Variants in WDR49 observed in about 807,000 individuals in gnomAD.
WDR49 encodes the protein WD repeat domain 49.
Under a neutral mutation model 119.5 loss-of-function variants are expected in WDR49, and 107 were observed. The ratio of observed to expected loss-of-function variants is 0.90; its 90% CI spans 0.77 to 1.05. The LOEUF is 1.05. WDR49 is among the 50% of genes least tolerant of loss of function. The probability of loss-of-function intolerance (pLI) is 0.00; values close to 1 mark genes in which losing one functional copy is unlikely to be tolerated. For missense variants in WDR49, 1,240 were observed against 1,220.5 expected (o/e 1.02, Z -0.24); for synonymous variants, 425 against 418.8 (o/e 1.01, Z -0.18).
chr3:167,619,961 AT>A (rs1267241015), intron 5 of WDR49, among the ~76,000 whole-genome samples: 2 of 151,780 alleles, frequency 1.3e-5, no homozygotes, highest in Admixed American at 6.6e-5. Context: ...AAATTCAGTC[AT>A]TACATCAAAA....
intron 2 of WDR49, among the ~76,000 whole-genome samples, chr3:167,650,816 T>G (rs779309820): frequency 4.6e-5 from 7 of 152,182 alleles, no homozygotes; most frequent in African/African-American, 1.7e-4. Flanking sequence ...CATGCACTTT[T>G]TAAAGTGCTT....
At chr3:167,565,257 T>C (rs2108274494) in intron 8 of WDR49, among the ~76,000 whole-genome samples, 1 of 152,086 alleles carries the variant, frequency 6.6e-6, no homozygotes, top group African/African-American at 2.4e-5. Flanking sequence ...ATGTACTGAA[T>C]ACCTGTAATA....
At chr3:167,621,405 A>G in intron 4 of WDR49, 62 bp downstream of exon 4, 1 of 1,388,802 alleles carries the variant, frequency 7.2e-7, no homozygotes, top group Non-Finnish European at 9.4e-7. Context: ...TTTAATTTCT[A>G]CTTTAAACTA....
chr3:167,502,661 A>G (rs1751618453), intron 17 of WDR49, among the ~76,000 whole-genome samples: 1 of 152,216 alleles, frequency 6.6e-6, no homozygotes, highest in Non-Finnish European at 1.5e-5. Flanking sequence ...CATTGTGTTC[A>G]TGCTCTAGGC....
At chr3:167,500,109 TCC>T in intron 18 of WDR49, 42 bp downstream of exon 18, 1 of 1,485,852 alleles carries the variant, frequency 6.7e-7, no homozygotes, top group South Asian at 1.5e-5. Flanking sequence ...TGACTAAGTT[TCC>T]TGAAGAGGGA....
intron 7 of WDR49, among the ~76,000 whole-genome samples, chr3:167,586,303 T>C (rs192802142): frequency 2.0e-5 from 3 of 152,294 alleles, no homozygotes; most frequent in East Asian, 3.9e-4. Context: ...CCCATGGTGG[T>C]TCCTCTCCAA....
At chr3:167,479,315 A>G (rs1750603994) in intron 18 of WDR49, among the ~76,000 whole-genome samples, 1 of 152,214 alleles carries the variant, frequency 6.6e-6, no homozygotes, top group Non-Finnish European at 1.5e-5. Flanking sequence ...CTATCAAGAC[A>G]TAAAGAGCCA....
chr3:167,587,725 C>G (rs1463156537), intron 7 of WDR49, among the ~76,000 whole-genome samples: 1 of 152,118 alleles, frequency 6.6e-6, no homozygotes, highest in Non-Finnish European at 1.5e-5. Context: ...CTTAAGTGAT[C>G]CACCCACCTC....
chr3:167,562,980 T>G (rs1713357477), intron 8 of WDR49, among the ~76,000 whole-genome samples: 1 of 152,226 alleles, frequency 6.6e-6, no homozygotes, highest in Admixed American at 6.5e-5. Flanking sequence ...TACTTAGGCT[T>G]GTATCACTGT....
Position 167,636,370 on chromosome 3 carries a change from C to A in WDR49, c.166-9078G>T, listed in dbSNP as rs180735284. ...ATGTATATACATGTATATATATATACCACAGTTTCTTTATCCACTTGTTGA... is the reference window on the plus strand; with the variant it reads ...ATGTATATACATGTATATATATATAACACAGTTTCTTTATCCACTTGTTGA... On this transcript the variant is annotated intron_variant, in intron 2 of 18. Coordinates refer to ENST00000682715, the MANE Select transcript of WDR49 (RefSeq NM_001366157.1). Among the ~76,000 whole-genome samples, 322 of 150,772 alleles carry A rather than the reference C, an allele frequency of 2.1e-3. 1 individual carries two copies. The highest frequency in any genetic ancestry group is 3.5e-3 in the Non-Finnish European group (237 of 67,572).
intron 7 of WDR49, among the ~76,000 whole-genome samples, chr3:167,588,437 ATACTGATT>A: frequency 6.6e-6 from 1 of 152,190 alleles, no homozygotes; most frequent in East Asian, 1.9e-4. Context: ...TCTATACGAT[ATACTGATT>A]TCTTTTCTTT....
chr3:167,560,790 A>C (rs1021951203), intron 8 of WDR49, among the ~76,000 whole-genome samples: 6 of 152,112 alleles, frequency 3.9e-5, no homozygotes, highest in Non-Finnish European at 8.8e-5. Context: ...TTACTAAAAA[A>C]AAAAAAAAAG....
chr3:167,616,243 T>A (rs544063707), intron 5 of WDR49, among the ~76,000 whole-genome samples: 2 of 152,326 alleles, frequency 1.3e-5, no homozygotes, highest in Admixed American at 1.3e-4. Context: ...GATCAACAAA[T>A]ATTTATTGTA....
chr3:167,565,966 T>C (rs1713571621), intron 8 of WDR49, among the ~76,000 whole-genome samples: 2 of 152,224 alleles, frequency 1.3e-5, no homozygotes, highest in South Asian at 2.1e-4. Flanking sequence ...GTATTATAAT[T>C]AGTATTTTAT....
intron 8 of WDR49, among the ~76,000 whole-genome samples, chr3:167,571,708 A>T (rs1257707286): frequency 2.0e-5 from 3 of 152,204 alleles, no homozygotes; most frequent in African/African-American, 7.2e-5. Context: ...GCAGAGAAAG[A>T]TGTTTAGAAT....
chr3:167,525,026 T>C (rs1444818676), intron 15 of WDR49, among the ~76,000 whole-genome samples: 1 of 152,214 alleles, frequency 6.6e-6, no homozygotes, highest in Non-Finnish European at 1.5e-5. Flanking sequence ...TATCGATTCT[T>C]CCTGTTCATG....
chr3:167,631,642 C>A (rs1010609873), intron 2 of WDR49, among the ~76,000 whole-genome samples: 3 of 152,092 alleles, frequency 2.0e-5, no homozygotes, highest in Middle Eastern at 3.2e-3. Flanking sequence ...ACTTTTCCCA[C>A]CACATCGAAG....
At chr3:167,563,914 C>T (rs1713431140) in intron 8 of WDR49, among the ~76,000 whole-genome samples, 1 of 152,102 alleles carries the variant, frequency 6.6e-6, no homozygotes, top group Admixed American at 6.5e-5. Flanking sequence ...ATTTCAGTAC[C>T]AAAAGATGAT....
At chr3:167,500,427 A>T in intron 17 of WDR49, 128 bp from the exon 18 acceptor site, 1 of 1,088,024 alleles carries the variant, frequency 9.2e-7, no homozygotes, top group Non-Finnish European at 1.3e-6. Context: ...CTCAGCTGGT[A>T]CAGCTGCAGT....
Sources: gnomAD v4.1 joint callset for allele counts (sites outside exome capture counted in the v4.1 genomes callset) on GRCh38, gnomAD v4.1.1 for gene constraint, MANE v1.5 for transcripts, NCBI Gene and HGNC (gene_info 2026-07-23, HGNC 2026-07-21) for gene names.